Variants in NGF observed in about 807,000 individuals in gnomAD.
The protein encoded by NGF is beta-nerve growth factor.
In NGF, 4 loss-of-function variants were observed where a neutral mutation model predicts 12.8. The ratio of observed to expected loss-of-function variants is 0.31; its 90% CI spans 0.15 to 0.72. The LOEUF (loss-of-function observed/expected upper bound fraction) is 0.72. NGF is among the 30% of genes least tolerant of loss of function. The pLI, the probability that NGF is intolerant of heterozygous loss-of-function variation, is 0.69. For missense variants in NGF, 283 were observed against 330.8 expected (o/e 0.86, Z 1.12); for synonymous variants, 140 against 130.0 (o/e 1.08, Z -0.52).
chr1:115,294,144 A>G (rs1324293121), intron 1 of NGF, among the ~76,000 whole-genome samples: 6 of 152,224 alleles, frequency 3.9e-5, no homozygotes, highest in Non-Finnish European at 8.8e-5. Context: ...AACCAGCCTA[A>G]AATACCTTAT....
chr1:115,323,275 T>G (rs567235072), intron 1 of NGF, among the ~76,000 whole-genome samples: 3 of 152,098 alleles, frequency 2.0e-5, no homozygotes, highest in Admixed American at 6.6e-5. Context: ...TATTTCTTAG[T>G]AGGAATGAAG....
chr1:115,317,073 G>A (rs1445627167), intron 1 of NGF, among the ~76,000 whole-genome samples: 1 of 151,852 alleles, frequency 6.6e-6, no homozygotes, highest in African/African-American at 2.4e-5. Flanking sequence ...CAGAGTGGAT[G>A]TATGGAGAAG....
intron 1 of NGF, among the ~76,000 whole-genome samples, chr1:115,302,439 G>T (rs1053027882): frequency 8.5e-5 from 13 of 152,262 alleles, no homozygotes; most frequent in Non-Finnish European, 1.8e-4. Context: ...CAGCCCAGCC[G>T]CTGGTTATGT....
At chr1:115,336,838 C>T (rs1655121189) in intron 1 of NGF, among the ~76,000 whole-genome samples, 1 of 152,208 alleles carries the variant, frequency 6.6e-6, no homozygotes, top group Non-Finnish European at 1.5e-5. Flanking sequence ...ACTGTCATTT[C>T]TGCATTTGCA....
intron 1 of NGF, among the ~76,000 whole-genome samples, chr1:115,336,547 A>G (rs1001328809): frequency 6.6e-6 from 1 of 152,170 alleles, no homozygotes; most frequent in African/African-American, 2.4e-5. Flanking sequence ...CCCATCATGA[A>G]TTGACATTTG....
At chr1:115,293,772 A>G (rs1397171379) in intron 1 of NGF, 22 bp from the exon 2 acceptor site, 1 of 152,818 alleles carries the variant, frequency 6.5e-6, no homozygotes, top group Non-Finnish European at 1.5e-5. Flanking sequence ...GAGAGCTGGC[A>G]TTAGACTGTA....
rs1324285276 is a variant in NGF, at chr1:115,337,266, TG to T, written c.-137+937del. ...CTCGAAATTTTTTTTGTTTTGTTTT[TG>T]TTTTTTTTTTTTTTTTTTTTTTTTT... On this transcript the variant is annotated intron_variant, in intron 1 of 2. Coordinates refer to ENST00000369512, the MANE Select transcript of NGF (RefSeq NM_002506.3). 5.4e-4 allele frequency among the ~76,000 whole-genome samples: 44 copies of T among 81,890 alleles called. 2 individuals are homozygous for T. The highest frequency in any genetic ancestry group is 2.5e-3 in the African/African-American group (39 of 15,750). The allele number at this position is 81,890 out of a possible 152,430, so 53.7% of individuals were successfully genotyped here.
intron 1 of NGF, among the ~76,000 whole-genome samples, chr1:115,335,471 T>G (rs1655085601): frequency 6.6e-6 from 1 of 152,232 alleles, no homozygotes; most frequent in Admixed American, 6.5e-5. Context: ...GCCTGAGAGC[T>G]GATGGTTTGT....
rs67307707 is a variant in NGF, at chr1:115,337,267, G to GTTTTTTTTTTTTTTTTTTTTTTTTTT, written c.-137+911_-137+936dup. Among the ~76,000 whole-genome samples the GTTTTTTTTTTTTTTTTTTTTTTTTTT allele has an allele frequency of 1.2e-4, 10 of 81,032 alleles. 1 individual carries two copies. Among genetic ancestry groups the GTTTTTTTTTTTTTTTTTTTTTTTTTT allele is most frequent in the Non-Finnish European group, 1.6e-4 (7 of 42,676 alleles). The allele number at this position is 81,032 out of a possible 152,430, so 53.2% of individuals were successfully genotyped here. A position where few individuals can be genotyped will look rare whatever the true frequency, so the allele number is the denominator to read the frequency against. On this transcript the variant is annotated intron_variant, in intron 1 of 2. Coordinates refer to ENST00000369512, the MANE Select transcript of NGF (RefSeq NM_002506.3). ...TCGAAATTTTTTTTGTTTTGTTTTTGTTTTTTTTTTTTTTTTTTTTTTTTT... is the reference window on the plus strand; with the variant it reads ...TCGAAATTTTTTTTGTTTTGTTTTTGTTTTTTTTTTTTTTTTTTTTTTTTTTTTTTTTTTTTTTTTTTTTTTTTTTT...
chr1:115,305,405 A>G (rs976113767), intron 1 of NGF, among the ~76,000 whole-genome samples: 2 of 152,056 alleles, frequency 1.3e-5, no homozygotes, highest in Admixed American at 1.3e-4. Flanking sequence ...CTCCTTTTTA[A>G]CCCTACTCTG....
At chr1:115,313,778 T>A in intron 1 of NGF, among the ~76,000 whole-genome samples, 1 of 152,208 alleles carries the variant, frequency 6.6e-6, no homozygotes, top group East Asian at 1.9e-4. Flanking sequence ...ATTTTGTGAA[T>A]TATTTCTATT....
At chr1:115,304,646 A>C (rs527691174) in intron 1 of NGF, among the ~76,000 whole-genome samples, 1 of 152,224 alleles carries the variant, frequency 6.6e-6, no homozygotes, top group Non-Finnish European at 1.5e-5. Flanking sequence ...TTAGGCCTCC[A>C]AAAGAAGGGA....
chr1:115,288,015 A>G (rs1189580873), intron 2 of NGF, among the ~76,000 whole-genome samples: 1 of 152,150 alleles, frequency 6.6e-6, no homozygotes, highest in African/African-American at 2.4e-5. Context: ...ATCTCTTGTA[A>G]GAGTGCTCTA....
In NGF at chr1:115,337,286, T is replaced by G. The variant is rs1039336411; in HGVS notation, c.-137+918A>C. ...GTTTTTGTTTTTTTTTTTTTTTTTTTTTTTTTTTTTTTTTTTTTTAGAAGG... is the reference window on the plus strand; with the variant it reads ...GTTTTTGTTTTTTTTTTTTTTTTTTGTTTTTTTTTTTTTTTTTTTAGAAGG... On this transcript the variant is annotated intron_variant, in intron 1 of 2. Coordinates refer to ENST00000369512, the MANE Select transcript of NGF (RefSeq NM_002506.3). Among the ~76,000 whole-genome samples the G allele has an allele frequency of 8.1e-4, 107 of 132,698 alleles. 8 individuals carry two copies. The highest frequency in any genetic ancestry group is 7.9e-3 in the South Asian group (31 of 3,900). 87.1% of individuals were successfully genotyped at this position (132,698 alleles called of 152,430 possible).
intron 1 of NGF, among the ~76,000 whole-genome samples, chr1:115,334,136 A>G (rs1443170852): frequency 2.0e-5 from 3 of 152,100 alleles, no homozygotes; most frequent in African/African-American, 7.2e-5. Context: ...TTGCTAGCCT[A>G]CTTTTTTTCA....
intron 1 of NGF, among the ~76,000 whole-genome samples, chr1:115,318,609 A>T (rs945638134): frequency 4.0e-5 from 6 of 151,812 alleles, no homozygotes; most frequent in Admixed American, 1.3e-4. Context: ...ACCAGCCTCC[A>T]CCCCTATATA....
At chr1:115,296,753 A>G (rs1653882971) in intron 1 of NGF, among the ~76,000 whole-genome samples, 1 of 152,234 alleles carries the variant, frequency 6.6e-6, no homozygotes, top group South Asian at 2.1e-4. Context: ...ATTTTTATAG[A>G]TATTGTTGTC....
intron 1 of NGF, among the ~76,000 whole-genome samples, chr1:115,320,226 G>C (rs1017313176): frequency 1.2e-4 from 19 of 152,180 alleles, no homozygotes; most frequent in Non-Finnish European, 2.2e-4. Context: ...TATGTTCCAA[G>C]ACCCCCAGTG....
chr1:115,293,859 G>A (rs1653783048), intron 1 of NGF, 109 bp from the exon 2 acceptor site: 1 of 152,608 alleles, frequency 6.6e-6, no homozygotes, highest in African/African-American at 2.4e-5. Flanking sequence ...TTGAGTTCTG[G>A]GATTTTACCA....
Sources: allele counts gnomAD v4.1 joint callset (sites outside exome capture counted in the v4.1 genomes callset), GRCh38; gene constraint gnomAD v4.1.1; transcripts MANE v1.5; gene names NCBI Gene and HGNC (gene_info 2026-07-23, HGNC 2026-07-21).